Variants in PDZD2 observed in about 807,000 individuals in gnomAD.
PDZD2 encodes PDZ domain-containing protein 2.
A neutral mutation model predicts 220.7 loss-of-function variants in PDZD2; 90 were observed. That is an observed-to-expected ratio of 0.41 (90% CI 0.34 to 0.49). PDZD2 has a LOEUF of 0.49. Among genes scored for constraint, PDZD2 ranks in the 20% least tolerant of loss-of-function variants. PDZD2 has a pLI of 0.28. For synonymous variants in PDZD2, 1,375 were observed against 1,450.5 expected (o/e 0.95, Z 1.18); for missense variants, 3,174 against 3,608.5 (o/e 0.88, Z 3.08).
intron 1 of PDZD2, among the ~76,000 whole-genome samples, chr5:31,797,959 G>A (rs1364488351): frequency 6.6e-6 from 1 of 152,122 alleles, no homozygotes; most frequent in Non-Finnish European, 1.5e-5. Flanking sequence ...ACTTTTCTAT[G>A]TTTATGGAGA....
chr5:31,730,678 C>T (rs1002039973), intron 1 of PDZD2, among the ~76,000 whole-genome samples: 2 of 151,504 alleles, frequency 1.3e-5, no homozygotes, highest in African/African-American at 4.9e-5. Context: ...ACACAACAGA[C>T]CTAGGGGATC....
At chr5:31,661,001 T>C (rs1384588484) in intron 1 of PDZD2, among the ~76,000 whole-genome samples, 1 of 152,148 alleles carries the variant, frequency 6.6e-6, no homozygotes, top group African/African-American at 2.4e-5. Context: ...CCCAAAGTGC[T>C]GGGATAACAG....
intron 1 of PDZD2, among the ~76,000 whole-genome samples, chr5:31,667,256 AAG>A (rs1491455566): frequency 1.3e-5 from 2 of 150,766 alleles, no homozygotes; most frequent in African/African-American, 2.4e-5. Context: ...AAAAAAAAAA[AAG>A]AGTACCTGCT....
intron 1 of PDZD2, among the ~76,000 whole-genome samples, chr5:31,776,084 A>G (rs1033672120): frequency 6.6e-6 from 1 of 152,186 alleles, no homozygotes; most frequent in Non-Finnish European, 1.5e-5. Context: ...CAAGAGTGCC[A>G]AGCTCAGATT....
chr5:32,065,810 C>T (rs773937438), intron 14 of PDZD2, among the ~76,000 whole-genome samples: 10 of 151,806 alleles, frequency 6.6e-5, no homozygotes, highest in Admixed American at 3.9e-4. Context: ...GGATCGCCTG[C>T]GATCAGGAGT....
intron 2 of PDZD2, 77 bp downstream of exon 2, chr5:31,799,801 GT>G: frequency 1.1e-6 from 1 of 913,826 alleles, no homozygotes; most frequent in Non-Finnish European, 1.8e-6. Context: ...AGCTGCAGAG[GT>G]TTATGAATCC....
intron 14 of PDZD2, among the ~76,000 whole-genome samples, chr5:32,062,411 T>TTTTTTTA (rs1739772549): frequency 2.1e-5 from 3 of 145,724 alleles, no homozygotes; most frequent in African/African-American, 7.5e-5. Context: ...TTTTTTTTTT[T>TTTTTTTA]GAGACAGGGT....
In PDZD2 at chr5:31,721,318, G is replaced by A. The variant is rs115791964; in HGVS notation, c.-360-77571G>A. The stretch of plus-strand genomic sequence containing the variant: ...AGAAAAGATAGATTGGAGAGAACCC[G>A]TGTGAGAACTGCCTGGAAAGTGCTC... On this transcript the variant is annotated intron_variant, in intron 1 of 24. Coordinates refer to ENST00000438447, the MANE Select transcript of PDZD2 (RefSeq NM_178140.4). Among the ~76,000 whole-genome samples, 536 of 152,304 alleles carry A rather than the reference G, an allele frequency of 3.5e-3. 2 individuals carry two copies. Among genetic ancestry groups the A allele is most frequent in the African/African-American group, 0.012 (478 of 41,560 alleles).
chr5:32,043,395 C>T (rs1422017446), intron 7 of PDZD2, among the ~76,000 whole-genome samples: 2 of 152,362 alleles, frequency 1.3e-5, no homozygotes, highest in Non-Finnish European at 2.9e-5. Flanking sequence ...CATCCACCAC[C>T]TCTGGTTACA....
intron 1 of PDZD2, among the ~76,000 whole-genome samples, chr5:31,776,951 G>C (rs10472780): frequency 6.6e-6 from 1 of 151,804 alleles, no homozygotes; most frequent in Non-Finnish European, 1.5e-5. Context: ...ACGTGCTGGC[G>C]GCCCTCACTC....
intron 2 of PDZD2, among the ~76,000 whole-genome samples, chr5:31,979,395 A>C (rs7716649): frequency 6.6e-6 from 1 of 151,908 alleles, no homozygotes; most frequent in Non-Finnish European, 1.5e-5. Context: ...CATGGACAAC[A>C]TGGTGAAACC....
At chr5:32,037,161 G>T in intron 6 of PDZD2, 70 bp from the exon 7 acceptor site, 1 of 931,670 alleles carries the variant, frequency 1.1e-6, no homozygotes. Flanking sequence ...AGATAACATT[G>T]TGGAGGGGGA....
At chr5:32,058,522 A>C (rs2112332652) in intron 12 of PDZD2, among the ~76,000 whole-genome samples, 1 of 151,874 alleles carries the variant, frequency 6.6e-6, no homozygotes, top group South Asian at 2.1e-4. Context: ...TAAAAAAAAA[A>C]AATTAGCTGG....
In PDZD2 at chr5:32,048,582, G is replaced by A. The variant is rs766049216; in HGVS notation, c.1563G>A (p.Leu521=). 6.2e-7 allele frequency: 1 copy of A among 1,613,916 alleles called. No individual in the cohort carries two copies. ...AGTCAGTTGAAGAATATAACGAGCT[G>A]ATGGTGCGGAATGGGGACCCCCGGA... ...RLESVEEYNE[L]MVRNGDPRIR... is the part of the protein sequence containing the mutation. Residue 521 remains leucine (L), a synonymous_variant, in exon 8 of 25, where the codon CTG becomes CTA. Coordinates refer to ENST00000438447, the MANE Select transcript of PDZD2 (RefSeq NM_178140.4).
intron 1 of PDZD2, among the ~76,000 whole-genome samples, chr5:31,789,643 TCCG>T (rs1753583622): frequency 6.6e-6 from 1 of 152,160 alleles, no homozygotes. Context: ...AATAAAAACT[TCCG>T]GGCTGGGCGT....
chr5:31,877,225 G>A (rs1416564253), intron 2 of PDZD2, among the ~76,000 whole-genome samples: 1 of 152,002 alleles, frequency 6.6e-6, no homozygotes, highest in Non-Finnish European at 1.5e-5. Context: ...TTGTTTGTTT[G>A]TTTGTTTTGA....
At position 31,850,049 on chromosome 5, in the gene PDZD2, TAC is replaced by T. The variant is rs1199301248; in HGVS notation, c.476+50326_476+50327del. Among the ~76,000 whole-genome samples the T allele has an allele frequency of 3.6e-3, 433 of 118,716 alleles. 90 individuals are homozygous for T. The highest frequency in any genetic ancestry group is 0.014 in the African/African-American group (412 of 28,638). 77.9% of individuals were successfully genotyped at this position (118,716 alleles called of 152,430 possible). On this transcript the variant is annotated intron_variant, in intron 2 of 24. Transcript: ENST00000438447. Reference sequence around the variant, plus strand: ...ACTCATATATACACGTATATATATATACGTGTATATATAAGTATATATATGTG... The same window carrying T: ...ACTCATATATACACGTATATATATATGTGTATATATAAGTATATATATGTG...
intron 7 of PDZD2, among the ~76,000 whole-genome samples, chr5:32,037,733 T>C (rs1012329641): frequency 6.6e-6 from 1 of 152,216 alleles, no homozygotes; most frequent in African/African-American, 2.4e-5. Flanking sequence ...CTCTATCTCC[T>C]GGGCATTTCC....
intron 1 of PDZD2, among the ~76,000 whole-genome samples, chr5:31,649,371 G>A (rs1477596789): frequency 6.6e-6 from 1 of 151,512 alleles, no homozygotes; most frequent in South Asian, 2.1e-4. Flanking sequence ...ACCAAGTTCC[G>A]TCCCATATCA....
Sources: gnomAD v4.1 joint callset for allele counts (sites outside exome capture counted in the v4.1 genomes callset) on GRCh38, gnomAD v4.1.1 for gene constraint, MANE v1.5 for transcripts, NCBI Gene and HGNC (gene_info 2026-07-23, HGNC 2026-07-21) for gene names.